CEP112: variants seen among roughly 807,000 people sequenced by gnomAD.
CEP112 encodes the protein centrosomal protein 112.
Under a neutral mutation model 153.0 loss-of-function variants are expected in CEP112, and 127 were observed. That is an observed-to-expected ratio of 0.83 (90% CI 0.72 to 0.96). CEP112 has a LOEUF of 0.96. CEP112 is among the 40% of genes least tolerant of loss of function. The probability of loss-of-function intolerance (pLI) is 0.00; values close to 1 mark genes in which losing one functional copy is unlikely to be tolerated. For synonymous variants in CEP112, 358 were observed against 374.4 expected, an observed-to-expected ratio of 0.96 and a Z score of 0.51; for missense variants, 1,089 against 1,101.2, an observed-to-expected ratio of 0.99 and a Z score of 0.16.
chr17:66,091,056 A>C (rs2068113480), intron 8 of CEP112, among the ~76,000 whole-genome samples: 1 of 152,108 alleles, frequency 6.6e-6, no homozygotes, highest in Non-Finnish European at 1.5e-5. Flanking sequence ...TAGATATAAA[A>C]GGAGAGAAGG....
At chr17:65,744,154 A>G (rs1257279868) in intron 22 of CEP112, among the ~76,000 whole-genome samples, 3 of 152,228 alleles carry the variant, frequency 2.0e-5, no homozygotes, top group Non-Finnish European at 4.4e-5. Flanking sequence ...AGAGACAGGC[A>G]GGATTTGAAC....
intron 21 of CEP112, among the ~76,000 whole-genome samples, chr17:65,758,061 T>A (rs2052392095): frequency 6.6e-6 from 1 of 152,138 alleles, no homozygotes; most frequent in Non-Finnish European, 1.5e-5. Context: ...CTCAAACTCC[T>A]AGGCTCAAAG....
At chr17:65,998,034 A>G (rs1228216414) in intron 17 of CEP112, among the ~76,000 whole-genome samples, 4 of 152,138 alleles carry the variant, frequency 2.6e-5, no homozygotes, top group Admixed American at 2.6e-4. Flanking sequence ...AACAATCATT[A>G]TTTTATTTTA....
chr17:65,856,889 C>A lies in CEP112; in HGVS notation c.2164-4855G>T, dbSNP rs148535949. Among the ~76,000 whole-genome samples the A allele has an allele frequency of 3.3e-3, 502 of 152,172 alleles. 1 individual carries two copies. Among genetic ancestry groups the A allele is most frequent in the African/African-American group, 0.012 (491 of 41,514 alleles). The stretch of plus-strand genomic sequence containing the variant: ...CACACACCCAATTTTAATTTAATTC[C>A]CATTTATTAGCATATTTGTCATATT... On this transcript the variant is annotated intron_variant, in intron 20 of 26. Transcript: ENST00000535342.
intron 12 of CEP112, among the ~76,000 whole-genome samples, chr17:66,037,162 T>C (rs2065773850): frequency 6.6e-6 from 1 of 152,168 alleles, no homozygotes; most frequent in Non-Finnish European, 1.5e-5. Flanking sequence ...CTCCTAAATA[T>C]GTGTGGAAAT....
chr17:65,769,736 T>A (rs1424319285), intron 21 of CEP112, among the ~76,000 whole-genome samples: 1 of 152,044 alleles, frequency 6.6e-6, no homozygotes, highest in Non-Finnish European at 1.5e-5. Flanking sequence ...AATTGGACCC[T>A]TATCTTACGC....
chr17:65,795,590 T>A (rs959950475), intron 21 of CEP112, among the ~76,000 whole-genome samples: 2 of 152,116 alleles, frequency 1.3e-5, no homozygotes, highest in African/African-American at 2.4e-5. Context: ...GGCAGGAGGA[T>A]CACTTGAGGT....
chr17:65,701,116 T>C (rs1406585256), intron 23 of CEP112, among the ~76,000 whole-genome samples: 1 of 152,202 alleles, frequency 6.6e-6, no homozygotes, highest in Non-Finnish European at 1.5e-5. Context: ...GGAGGCCATG[T>C]AGTATCACGT....
intron 12 of CEP112, among the ~76,000 whole-genome samples, chr17:66,046,105 C>T (rs976044125): frequency 1.3e-5 from 2 of 151,528 alleles, no homozygotes; most frequent in African/African-American, 2.4e-5. Flanking sequence ...TGCAGTGGTG[C>T]GATCTCTCCT....
chr17:65,769,446 A>AC (rs1166073954), intron 21 of CEP112, among the ~76,000 whole-genome samples: 6 of 151,968 alleles, frequency 3.9e-5, no homozygotes, highest in African/African-American at 1.2e-4. Flanking sequence ...CCCACAAAAG[A>AC]CCCCAAATAG....
chr17:66,188,027 C>T lies in CEP112; in HGVS notation c.-9+3970G>A, dbSNP rs186679464. 2.8e-3 allele frequency among the ~76,000 whole-genome samples: 430 copies of T among 152,178 alleles called. 2 individuals carry two copies. The highest frequency in any genetic ancestry group is 9.5e-3 in the African/African-American group (394 of 41,522). Reference sequence around the variant, plus strand: ...GCCTGCTTCCCTATTCTCACTGCCACGATCTCAGATAGAGGCCTGCCTACC... The same window carrying T: ...GCCTGCTTCCCTATTCTCACTGCCATGATCTCAGATAGAGGCCTGCCTACC... On this transcript the variant is annotated intron_variant, in intron 1 of 26. Coordinates refer to ENST00000535342, the MANE Select transcript of CEP112 (RefSeq NM_001199165.4).
intron 21 of CEP112, among the ~76,000 whole-genome samples, chr17:65,756,519 C>T (rs913898073): frequency 6.6e-6 from 1 of 150,914 alleles, no homozygotes; most frequent in Non-Finnish European, 1.5e-5. Flanking sequence ...ACAGAGAGGC[C>T]ATAGAAAGTG....
intron 24 of CEP112, among the ~76,000 whole-genome samples, chr17:65,656,588 T>C (rs1447887965): frequency 6.6e-6 from 1 of 152,216 alleles, no homozygotes; most frequent in Non-Finnish European, 1.5e-5. Flanking sequence ...TGTTTACTTA[T>C]TGTCTGTGAT....
intron 24 of CEP112, among the ~76,000 whole-genome samples, chr17:65,673,589 T>C (rs1261273603): frequency 6.6e-6 from 1 of 152,134 alleles, no homozygotes; most frequent in East Asian, 1.9e-4. Context: ...TTCTCCCACA[T>C]AATATATCCC....
At chr17:65,881,144 G>C (rs1272480064) in intron 20 of CEP112, among the ~76,000 whole-genome samples, 1 of 152,138 alleles carries the variant, frequency 6.6e-6, no homozygotes, top group Non-Finnish European at 1.5e-5. Context: ...TTGAACCTGG[G>C]AGGCGGAGTT....
intron 4 of CEP112, among the ~76,000 whole-genome samples, chr17:66,138,371 T>A (rs1043510203): frequency 6.6e-6 from 1 of 152,158 alleles, no homozygotes; most frequent in African/African-American, 2.4e-5. Context: ...TACCTGATGG[T>A]TGGTTTCCAG....
intron 12 of CEP112, among the ~76,000 whole-genome samples, chr17:66,046,314 T>C (rs1004571222): frequency 6.6e-6 from 1 of 152,122 alleles, no homozygotes; most frequent in Admixed American, 6.5e-5. Flanking sequence ...AGTGCTGGGA[T>C]TATAGGCGTG....
At chr17:65,688,942 A>C (rs1451570170) in intron 24 of CEP112, 187 bp downstream of exon 24, 1 of 418,868 alleles carries the variant, frequency 2.4e-6, no homozygotes, top group Non-Finnish European at 4.3e-6. Context: ...TAATTTTTGT[A>C]TTTTTAGTAG....
intron 1 of CEP112, among the ~76,000 whole-genome samples, chr17:66,186,641 T>C (rs1445341077): frequency 6.6e-6 from 1 of 152,158 alleles, no homozygotes; most frequent in Non-Finnish European, 1.5e-5. Flanking sequence ...CTTTCCTTTC[T>C]ACTTGGCAAG....
Sources: gnomAD v4.1 joint callset for allele counts (sites outside exome capture counted in the v4.1 genomes callset) on GRCh38, gnomAD v4.1.1 for gene constraint, MANE v1.5 for transcripts, NCBI Gene and HGNC (gene_info 2026-07-23, HGNC 2026-07-21) for gene names.